The following NEGR1 variants were observed in gnomAD, a reference collection of about 807,000 sequenced individuals.
NEGR1 encodes IgLON family member 4.
A neutral mutation model predicts 40.9 loss-of-function variants in NEGR1; 10 were observed. The observed-to-expected ratio is 0.24, with a 90% CI of 0.15 to 0.42. NEGR1 has a LOEUF of 0.42. Among genes scored for constraint, NEGR1 ranks in the 10% least tolerant of loss-of-function variants. NEGR1 has a pLI of 1.00. For synonymous variants in NEGR1, 185 were observed against 166.8 expected, an observed-to-expected ratio of 1.11 and a Z score of -0.84; for missense variants, 352 against 438.9, an observed-to-expected ratio of 0.80 and a Z score of 1.77.
chr1:71,807,750 T>A (rs1449838905), intron 2 of NEGR1, among the ~76,000 whole-genome samples: 1 of 152,178 alleles, frequency 6.6e-6, no homozygotes, highest in Non-Finnish European at 1.5e-5. Flanking sequence ...GAAAGTTTAT[T>A]CTTACTTCCT....
intron 2 of NEGR1, among the ~76,000 whole-genome samples, chr1:71,925,152 A>G (rs1245861453): frequency 6.6e-6 from 1 of 152,230 alleles, no homozygotes; most frequent in Non-Finnish European, 1.5e-5. Context: ...CTTGGAGTCC[A>G]CAAATAGATT....
intron 1 of NEGR1, among the ~76,000 whole-genome samples, chr1:72,125,247 G>T (rs1649965898): frequency 6.6e-6 from 1 of 151,972 alleles, no homozygotes; most frequent in Non-Finnish European, 1.5e-5. Context: ...CAATCTTACT[G>T]AGAAAAATTG....
chr1:72,099,872 ACT>A lies in NEGR1; in HGVS notation c.177-164563_177-164562del, dbSNP rs199653788. On this transcript the variant is annotated intron_variant, in intron 1 of 6. Coordinates refer to ENST00000357731, the MANE Select transcript of NEGR1 (RefSeq NM_173808.3). ...AAATTTCAATGTATACATTATATAT[ACT>A]CTCTCTCTCTCCATATATATATATA... Among the ~76,000 whole-genome samples, 46 of 151,002 alleles carry A rather than the reference ACT, an allele frequency of 3.0e-4. No individual in the cohort carries two copies. The East Asian group carries it at 7.0e-3, about 23-fold the overall frequency.
intron 6 of NEGR1, among the ~76,000 whole-genome samples, chr1:71,420,304 A>T (rs1450486244): frequency 6.6e-6 from 1 of 152,054 alleles, no homozygotes; most frequent in Non-Finnish European, 1.5e-5. Flanking sequence ...TAATTGGAAA[A>T]TTGATCTTTG....
At chr1:72,220,784 C>G (rs1034406239) in intron 1 of NEGR1, among the ~76,000 whole-genome samples, 1 of 151,924 alleles carries the variant, frequency 6.6e-6, no homozygotes, top group Non-Finnish European at 1.5e-5. Context: ...AAGTAAAATA[C>G]TCTGAGCACT....
At chr1:72,155,104 T>A (rs2100362781) in intron 1 of NEGR1, among the ~76,000 whole-genome samples, 1 of 152,132 alleles carries the variant, frequency 6.6e-6, no homozygotes, top group Middle Eastern at 3.4e-3. Context: ...TTTAAAACAG[T>A]TTCACGGTGT....
intron 6 of NEGR1, among the ~76,000 whole-genome samples, chr1:71,545,366 T>A (rs1647859203): frequency 6.6e-6 from 1 of 151,650 alleles, no homozygotes; most frequent in Non-Finnish European, 1.5e-5. Context: ...CCAAATAGGT[T>A]TGGTAGGCAA....
intron 1 of NEGR1, among the ~76,000 whole-genome samples, chr1:71,999,416 G>C (rs1646534810): frequency 1.3e-5 from 2 of 151,208 alleles, no homozygotes; most frequent in African/African-American, 4.9e-5. Context: ...TGTCTGGGAA[G>C]ATGACAAATA....
chr1:72,159,217 G>C (rs1371103731), intron 1 of NEGR1, among the ~76,000 whole-genome samples: 1 of 152,138 alleles, frequency 6.6e-6, no homozygotes, highest in Non-Finnish European at 1.5e-5. Context: ...CAGAGAAGCA[G>C]AGTATTTAAG....
chr1:71,481,772 A>G (rs1362885070), intron 6 of NEGR1, among the ~76,000 whole-genome samples: 1 of 151,942 alleles, frequency 6.6e-6, no homozygotes, highest in African/African-American at 2.4e-5. Context: ...TTTTTAAAAT[A>G]TGAACTTTTA....
chr1:71,637,536 A>G (rs1039292478), intron 4 of NEGR1, among the ~76,000 whole-genome samples: 1 of 152,022 alleles, frequency 6.6e-6, no homozygotes, highest in Non-Finnish European at 1.5e-5. Flanking sequence ...GTAACAGAAT[A>G]AAGTCTAAAT....
At chr1:72,136,256 A>G (rs1186072203) in intron 1 of NEGR1, among the ~76,000 whole-genome samples, 1 of 152,160 alleles carries the variant, frequency 6.6e-6, no homozygotes, top group East Asian at 1.9e-4. Flanking sequence ...CAGATGTCCA[A>G]TAAGTGAAAA....
Position 72,090,191 on chromosome 1 carries a change from T to C in NEGR1, c.177-154880A>G, listed in dbSNP as rs571471884. On this transcript the variant is annotated intron_variant, in intron 1 of 6. Coordinates refer to ENST00000357731, the MANE Select transcript of NEGR1 (RefSeq NM_173808.3). ...AGATTTAATCATTTCCCCTGGGCTA[T>C]TGACACACAGAGTCATTTAGGCATA... is the stretch of plus-strand genomic sequence containing the variant. 6.6e-5 allele frequency among the ~76,000 whole-genome samples: 10 copies of C among 152,156 alleles called. 1 individual carries two copies. The South Asian group carries it at 1.7e-3, about 25-fold the overall frequency.
intron 1 of NEGR1, among the ~76,000 whole-genome samples, chr1:72,177,079 A>G (rs1484409735): frequency 6.6e-6 from 1 of 152,094 alleles, no homozygotes; most frequent in Non-Finnish European, 1.5e-5. Flanking sequence ...GTGAAAATCT[A>G]ATATTCATTG....
intron 2 of NEGR1, among the ~76,000 whole-genome samples, chr1:71,798,889 G>A (rs1477528827): frequency 6.6e-6 from 1 of 152,102 alleles, no homozygotes; most frequent in East Asian, 1.9e-4. Flanking sequence ...TGCATTCAAA[G>A]ACTGGGGTGT....
chr1:72,222,320 G>A (rs1570140913), intron 1 of NEGR1, among the ~76,000 whole-genome samples: 1 of 152,276 alleles, frequency 6.6e-6, no homozygotes. Context: ...CTAGCTGCAA[G>A]CACGCTCATG....
chr1:71,528,781 T>G (rs1647276331), intron 6 of NEGR1, among the ~76,000 whole-genome samples: 1 of 151,252 alleles, frequency 6.6e-6, no homozygotes, highest in Admixed American at 6.6e-5. Flanking sequence ...GCTTGCTCAG[T>G]GACCTTTGGT....
chr1:71,976,335 C>A, intron 1 of NEGR1, among the ~76,000 whole-genome samples: 1 of 152,050 alleles, frequency 6.6e-6, no homozygotes, highest in Admixed American at 6.6e-5. Context: ...GCAATATGTA[C>A]GTGAACGAAG....
intron 1 of NEGR1, among the ~76,000 whole-genome samples, chr1:72,074,308 C>T (rs1163384342): frequency 6.6e-6 from 1 of 151,976 alleles, no homozygotes; most frequent in Non-Finnish European, 1.5e-5. Context: ...TATAGTTTTC[C>T]ATATAAGAAT....
Sources: gnomAD v4.1 joint callset for allele counts (sites outside exome capture counted in the v4.1 genomes callset) on GRCh38, gnomAD v4.1.1 for gene constraint, MANE v1.5 for transcripts, NCBI Gene and HGNC (gene_info 2026-07-23, HGNC 2026-07-21) for gene names.